The following SLC26A7 variants were observed in gnomAD, a reference collection of about 807,000 sequenced individuals.
SLC26A7 encodes the protein anion exchange transporter.
Under a neutral mutation model 82.5 loss-of-function variants are expected in SLC26A7, and 59 were observed. That is an observed-to-expected ratio of 0.72 (90% CI 0.58 to 0.89). The LOEUF (loss-of-function observed/expected upper bound fraction) is 0.89, where lower values mean the gene tolerates loss of function less well. Ranked by LOEUF, SLC26A7 falls within the 40% of genes least tolerant of loss-of-function variation. The pLI, the probability that SLC26A7 is intolerant of heterozygous loss-of-function variation, is 0.00. For missense variants in SLC26A7, 820 were observed against 793.0 expected (o/e 1.03, Z -0.41); for synonymous variants, 271 against 274.3 (o/e 0.99, Z 0.12).
chr8:91,271,856 A>G (rs1007802434), intron 2 of SLC26A7, among the ~76,000 whole-genome samples: 3 of 152,170 alleles, frequency 2.0e-5, no homozygotes, highest in Non-Finnish European at 4.4e-5. Context: ...GGCCTCTCAA[A>G]GTGTTGGGAT....
intron 6 of SLC26A7, 91 bp from the exon 7 acceptor site, chr8:91,338,059 G>T: frequency 1.4e-6 from 1 of 709,848 alleles, no homozygotes; most frequent in South Asian, 2.9e-5. Flanking sequence ...TATGGGACAT[G>T]AGAACAATGT....
chr8:91,393,414 T>A (rs1331725192), intron 16 of SLC26A7, among the ~76,000 whole-genome samples: 1 of 152,190 alleles, frequency 6.6e-6, no homozygotes, highest in Non-Finnish European at 1.5e-5. Context: ...ATCCAAATTA[T>A]TGTAAAATAT....
chr8:91,223,674 T>G lies in SLC26A7; in HGVS notation c.-34+4669T>G, dbSNP rs962596792. Among the ~76,000 whole-genome samples, 68 of 152,252 alleles carry G rather than the reference T, an allele frequency of 4.5e-4. 1 individual carries two copies. Among genetic ancestry groups the G allele is most frequent in the African/African-American group, 1.6e-3 (66 of 41,558 alleles). The stretch of plus-strand genomic sequence containing the variant: ...TGTCTTTGGGTTAATCTTCTCATGG[T>G]GTATCCAATGGTTTTCTCTGTATTT... On this transcript the variant is annotated intron_variant, in intron 2 of 5. Coordinates refer to the SLC26A7 transcript ENST00000522862.
rs371320039 is a variant in SLC26A7 at position 91,355,125 on chromosome 8, GGTAAA to G, written c.1314+2133_1314+2137del. 8.9e-4 allele frequency among the ~76,000 whole-genome samples: 136 copies of G among 152,048 alleles called. 1 individual carries two copies. Among genetic ancestry groups the G allele is most frequent in the African/African-American group, 3.2e-3 (131 of 41,506 alleles). ...CTAACATTATCTTTAGGCATTGAGG[GGTAAA>G]GTAGAGAAATCACAGGTCAACGTAA... On this transcript the variant is annotated intron_variant, in intron 11 of 18. Coordinates refer to ENST00000276609, the MANE Select transcript of SLC26A7 (RefSeq NM_052832.4).
At chr8:91,278,048 A>G (rs762236239) in intron 2 of SLC26A7, among the ~76,000 whole-genome samples, 1 of 152,154 alleles carries the variant, frequency 6.6e-6, no homozygotes, top group Non-Finnish European at 1.5e-5. Flanking sequence ...CAAAGCTATC[A>G]ATGTCACTTC....
chr8:91,367,942 G>A (rs952463624), intron 14 of SLC26A7, among the ~76,000 whole-genome samples: 2 of 152,100 alleles, frequency 1.3e-5, no homozygotes, highest in African/African-American at 4.8e-5. Context: ...CTGCCTTTGG[G>A]CCTTACCCTA....
rs150499458 is a variant in SLC26A7 at position 91,348,103 on chromosome 8, G to C, written c.1141-3707G>C. ...CACAACTGAAAACAACAGCTGGCAT[G>C]TTTTTCTGCAACACTGAGATTGTCT... On this transcript the variant is annotated intron_variant, in intron 9 of 18. Transcript: ENST00000276609. Among the ~76,000 whole-genome samples the C allele has an allele frequency of 6.1e-3, 924 of 152,274 alleles. 3 individuals are homozygous for C. The highest frequency in any genetic ancestry group is 7.5e-3 in the Non-Finnish European group (507 of 67,990).
Position 91,341,953 on chromosome 8 carries a change from A to G in SLC26A7, c.1027-1400A>G, listed in dbSNP as rs1403369556. On this transcript the variant is annotated intron_variant, in intron 8 of 18. Coordinates refer to ENST00000276609, the MANE Select transcript of SLC26A7 (RefSeq NM_052832.4). ...ATTTTAATTTTTGTTTTCTAGAGACAAACCTCACTCTGTTGGCCAGGCTGG... is the reference window on the plus strand; with the variant it reads ...ATTTTAATTTTTGTTTTCTAGAGACGAACCTCACTCTGTTGGCCAGGCTGG... Among the ~76,000 whole-genome samples the G allele has an allele frequency of 2.6e-5, 4 of 152,086 alleles. No individual in the cohort carries two copies. The East Asian group carries it at 7.7e-4, about 29-fold the overall frequency.
chr8:91,338,341 A>G (rs1813303297), intron 7 of SLC26A7, 109 bp downstream of exon 7: 1 of 632,952 alleles, frequency 1.6e-6, no homozygotes, highest in South Asian at 3.1e-5. Context: ...AATTCTAATT[A>G]ATTTCTATTA....
chr8:91,280,923 C>T (rs1563657936), intron 2 of SLC26A7, among the ~76,000 whole-genome samples: 3 of 152,182 alleles, frequency 2.0e-5, no homozygotes, highest in Admixed American at 1.3e-4. Flanking sequence ...GAAATGCTGT[C>T]CCTTTCTTCA....
intron 2 of SLC26A7, among the ~76,000 whole-genome samples, chr8:91,235,420 A>T (rs11779990): frequency 0.47 from 70,812 of 152,086 alleles, 18,687 homozygotes; most frequent in South Asian, 0.66. Flanking sequence ...CTAATAAATT[A>T]TCCATGTTCA....
At chr8:91,316,451 ATTTTTTTTTTTTTTTTTTTTTTTTT>A (rs58981485) in intron 4 of SLC26A7, among the ~76,000 whole-genome samples, 2 of 34,390 alleles carry the variant, frequency 5.8e-5, no homozygotes, top group Admixed American at 9.2e-4. Context: ...CTCAACACTA[ATTTTTTTTTTTTTTTTTTTTTTTTT>A]TTTTTTTTTT....
intron 2 of SLC26A7, among the ~76,000 whole-genome samples, chr8:91,233,844 A>T (rs1180905947): frequency 6.6e-6 from 1 of 152,208 alleles, no homozygotes; most frequent in Non-Finnish European, 1.5e-5. Context: ...GTTGCTATAG[A>T]CATGCTATTT....
intron 2 of SLC26A7, among the ~76,000 whole-genome samples, chr8:91,241,094 C>A (rs1055237629): frequency 6.6e-6 from 1 of 152,136 alleles, no homozygotes; most frequent in Non-Finnish European, 1.5e-5. Context: ...TCAGAGATGT[C>A]TACCCTAGTG....
At chr8:91,334,629 T>G (rs558437616) in intron 6 of SLC26A7, among the ~76,000 whole-genome samples, 182 bp downstream of exon 6, 5 of 152,150 alleles carry the variant, frequency 3.3e-5, no homozygotes, top group Non-Finnish European at 7.4e-5. Context: ...GAGTTAATAA[T>G]TTAAAAAAGA....
chr8:91,270,555 C>A (rs1262396270), intron 2 of SLC26A7, among the ~76,000 whole-genome samples: 1 of 152,118 alleles, frequency 6.6e-6, no homozygotes, highest in East Asian at 1.9e-4. Flanking sequence ...TAAATCCAGC[C>A]AGGGTTTCAG....
intron 3 of SLC26A7, among the ~76,000 whole-genome samples, chr8:91,291,818 A>G: frequency 6.6e-6 from 1 of 152,258 alleles, no homozygotes. Context: ...CACATAATTT[A>G]CAGCCTTAAC....
Position 91,291,604 on chromosome 8 carries a change from A to G in SLC26A7, c.304+2358A>G, listed in dbSNP as rs552820246. ...CCAATATACCATAATTGCTTTAAGA[A>G]AACAAAAATACACAATTTGAACATA... On this transcript the variant is annotated intron_variant, in intron 3 of 18. Transcript: ENST00000276609. 3.9e-5 allele frequency among the ~76,000 whole-genome samples: 6 copies of G among 152,350 alleles called. No homozygotes were observed. In the South Asian group the frequency reaches 1.2e-3, roughly 32 times the overall value.
chr8:91,287,093 T>G (rs112357492), intron 2 of SLC26A7, among the ~76,000 whole-genome samples: 2,193 of 152,314 alleles, frequency 0.014, 49 homozygotes, highest in African/African-American at 0.05. Context: ...AAAATTTCAA[T>G]ATCAGTGTAA....
Sources: allele counts gnomAD v4.1 joint callset (sites outside exome capture counted in the v4.1 genomes callset), GRCh38; gene constraint gnomAD v4.1.1; transcripts MANE v1.5; gene names NCBI Gene and HGNC (gene_info 2026-07-23, HGNC 2026-07-21).